PHACTR2: variants seen among roughly 807,000 people sequenced by gnomAD.
The protein encoded by PHACTR2 is chromosome 6 open reading frame 56.
Under a neutral mutation model 76.0 loss-of-function variants are expected in PHACTR2, and 30 were observed. The observed-to-expected ratio is 0.39, with a 90% CI of 0.30 to 0.54. The LOEUF (loss-of-function observed/expected upper bound fraction) is 0.54. Among genes scored for constraint, PHACTR2 ranks in the 20% least tolerant of loss-of-function variants. The pLI, the probability that PHACTR2 is intolerant of heterozygous loss-of-function variation, is 0.61. For synonymous variants in PHACTR2, 292 were observed against 292.5 expected, an observed-to-expected ratio of 1.00 and a Z score of 0.02; for missense variants, 696 against 781.1, an observed-to-expected ratio of 0.89 and a Z score of 1.30.
At chr6:143,582,832 G>A (rs554371047) in intron 1 of PHACTR2, among the ~76,000 whole-genome samples, 19 of 152,184 alleles carry the variant, frequency 1.2e-4, no homozygotes, top group Admixed American at 2.6e-4. Context: ...GGTACGTGAT[G>A]TATTTGGCAG....
At position 143,583,759 on chromosome 6, in the gene PHACTR2, G is replaced by A. The variant is rs1315072650; in HGVS notation, c.217+46552G>A. The stretch of plus-strand genomic sequence containing the variant: ...CATGCTAGATGCCAGACTATCATTT[G>A]TTGATTGGTTGATTCATTGTTTGGA... On this transcript the variant is annotated intron_variant, in intron 1 of 11. Transcript: ENST00000367584. This position sits in a 1 kb window ranked among gnomAD's most constrained non-coding sequence, Gnocchi z 4.0. Among the ~76,000 whole-genome samples, 1 of 152,246 alleles carries A rather than the reference G, an allele frequency of 6.6e-6. No homozygotes were observed. The highest frequency in any genetic ancestry group is 1.5e-5 in the Non-Finnish European group (1 of 68,044).
At chr6:143,701,197 G>A (rs1777904225) in intron 1 of PHACTR2, among the ~76,000 whole-genome samples, 1 of 152,198 alleles carries the variant, frequency 6.6e-6, no homozygotes, top group African/African-American at 2.4e-5. Flanking sequence ...CTGCAGGCCT[G>A]TTGGCCACAA....
intron 2 of PHACTR2, among the ~76,000 whole-genome samples, chr6:143,746,142 T>G (rs920067977): frequency 2.6e-5 from 4 of 152,152 alleles, no homozygotes; most frequent in Non-Finnish European, 5.9e-5. Context: ...ACAGACAGCC[T>G]CGATTAATGA....
intron 11 of PHACTR2, among the ~76,000 whole-genome samples, chr6:143,805,479 C>CAAAAA (rs746027973): frequency 2.1e-5 from 2 of 95,190 alleles, no homozygotes; most frequent in Non-Finnish European, 4.5e-5. Flanking sequence ...AACTCCGTCT[C>CAAAAA]AAAAAAAAAA....
At chr6:143,637,064 T>C (rs551873138) in intron 1 of PHACTR2, among the ~76,000 whole-genome samples, 122 of 152,280 alleles carry the variant, frequency 8.0e-4, no homozygotes, top group Middle Eastern at 6.8e-3. Flanking sequence ...CCTGAAGAGA[T>C]TTGCCATGGT....
rs1779432734 is a variant in PHACTR2, at chr6:143,761,178, T to C, written c.694+538T>C. On this transcript the variant is annotated intron_variant, in intron 5 of 12. Transcript: ENST00000440869. The surrounding 1 kb of genome is among the most constrained non-coding windows in gnomAD (Gnocchi z 5.2). ...CTTGTTTCAGCTCCACCCCACCACT[T>C]TCTACTGCAGTGAAAACTATTTCAG... 6.6e-6 allele frequency among the ~76,000 whole-genome samples: 1 copy of C among 152,212 alleles called. No individual in the cohort carries two copies. The highest frequency in any genetic ancestry group is 1.5e-5 in the Non-Finnish European group (1 of 68,032).
At chr6:143,798,899 A>C (rs868823173) in intron 11 of PHACTR2, among the ~76,000 whole-genome samples, 22 of 152,238 alleles carry the variant, frequency 1.4e-4, no homozygotes, top group Middle Eastern at 3.2e-3. Context: ...TGCTGGCCTC[A>C]TAAAATGAGT....
At position 143,562,827 on chromosome 6, in the gene PHACTR2, A is replaced by G. The variant is rs1340706351; in HGVS notation, c.217+25620A>G. On this transcript the variant is annotated intron_variant, in intron 1 of 11. Coordinates refer to the PHACTR2 transcript ENST00000367584. This position sits in a 1 kb window ranked among gnomAD's most constrained non-coding sequence, Gnocchi z 5.1. ...ATTATCCAGCCATAAAGAGGAACAT[A>G]TGCTGCAACATGGCTTGAAAACATT... Among the ~76,000 whole-genome samples the G allele has an allele frequency of 1.3e-5, 2 of 152,260 alleles. No individual in the cohort carries two copies. Among genetic ancestry groups the G allele is most frequent in the Non-Finnish European group, 2.9e-5 (2 of 68,048 alleles).
At chr6:143,815,749 G>A (rs1301769838) in intron 12 of PHACTR2, among the ~76,000 whole-genome samples, 3 of 151,990 alleles carry the variant, frequency 2.0e-5, no homozygotes, top group Admixed American at 6.5e-5. Flanking sequence ...AAAATTAGCC[G>A]GGCATGGTGG....
rs1775048587 is a variant in PHACTR2, at chr6:143,549,038, A to G, written c.217+11831A>G. 6.6e-6 allele frequency among the ~76,000 whole-genome samples: 1 copy of G among 151,860 alleles called. No homozygotes were observed. Among genetic ancestry groups the G allele is most frequent in the Admixed American group, 6.6e-5 (1 of 15,242 alleles). The stretch of plus-strand genomic sequence containing the variant: ...TACAGGGAAGAAGGCTTGGCCATGA[A>G]GACAGGCATTCTCTCCCCCCGACCC... On this transcript the variant is annotated intron_variant, in intron 1 of 11. Coordinates refer to the PHACTR2 transcript ENST00000367584. This position sits in a 1 kb window ranked among gnomAD's most constrained non-coding sequence, Gnocchi z 4.2.
At chr6:143,674,855 C>T (rs1402076112), upstream of PHACTR2, among the ~76,000 whole-genome samples, 1 of 152,212 alleles carries the variant, frequency 6.6e-6, no homozygotes, top group Non-Finnish European at 1.5e-5. The surrounding 1 kb of genome is among the most constrained non-coding windows in gnomAD (Gnocchi z 4.9). Context: ...TGTAAACCAT[C>T]TTCTCTAAAG....
Position 143,709,844 on chromosome 6 carries a change from G to T in PHACTR2, c.47-2172G>T, listed in dbSNP as rs148896064. Reference sequence around the variant, plus strand: ...ATTGCTGGGTAGGGCTGGATGTCACGGCTTCCTACATGGTCTCCACTGACA... The same window carrying T: ...ATTGCTGGGTAGGGCTGGATGTCACTGCTTCCTACATGGTCTCCACTGACA... On this transcript the variant is annotated intron_variant, in intron 1 of 12. Coordinates refer to ENST00000440869, the MANE Select transcript of PHACTR2 (RefSeq NM_001100164.2). The surrounding 1 kb of genome is among the most constrained non-coding windows in gnomAD (Gnocchi z 4.4). Among the ~76,000 whole-genome samples, 5 of 152,064 alleles carry T rather than the reference G, an allele frequency of 3.3e-5. No homozygotes were observed. The highest frequency in any genetic ancestry group is 5.9e-5 in the Non-Finnish European group (4 of 68,008).
At chr6:143,727,661 GAAGT>G (rs1470285687) in intron 2 of PHACTR2, among the ~76,000 whole-genome samples, 3 of 151,906 alleles carry the variant, frequency 2.0e-5, no homozygotes, top group Non-Finnish European at 4.4e-5. Context: ...CATGCTAACT[GAAGT>G]AAGATATATC....
At chr6:143,773,255 T>TA (rs982179034) in intron 7 of PHACTR2, among the ~76,000 whole-genome samples, 13 of 151,830 alleles carry the variant, frequency 8.6e-5, no homozygotes, top group East Asian at 1.9e-4. Flanking sequence ...TTGCTAGCAT[T>TA]AAAAAAAATC....
intron 1 of PHACTR2, among the ~76,000 whole-genome samples, chr6:143,669,166 A>T (rs1777100320): frequency 6.6e-6 from 1 of 152,150 alleles, no homozygotes; most frequent in South Asian, 2.1e-4. Flanking sequence ...TTCAGTTTCC[A>T]TGTAGTTGTG....
At position 143,807,068 on chromosome 6, in the gene PHACTR2, G is replaced by A; in HGVS notation, c.1857G>A (p.Arg619=). 6.3e-7 allele frequency: 1 copy of A among 1,596,366 alleles called. No individual in the cohort carries two copies. The highest frequency in any genetic ancestry group is 8.6e-7 in the Non-Finnish European group (1 of 1,165,302). ...RLTPADKAAI[R]KELNEFKSTE... ...TTTTTCCTGTTTAGGCAGCAATAAG[G>A]AAAGAACTAAATGAATTTAAAAGCA... Residue 619 remains arginine (R), a synonymous_variant, in exon 12 of 13, where the codon AGG becomes AGA. Coordinates refer to ENST00000440869, the MANE Select transcript of PHACTR2 (RefSeq NM_001100164.2). This position sits in a 1 kb window ranked among gnomAD's most constrained non-coding sequence, Gnocchi z 5.5.
intron 2 of PHACTR2, among the ~76,000 whole-genome samples, chr6:143,740,709 T>A (rs1778922273): frequency 6.6e-6 from 1 of 152,146 alleles, no homozygotes; most frequent in Non-Finnish European, 1.5e-5. Context: ...ACTACCATTT[T>A]AAAAATACCC....
At chr6:143,551,408 G>A (rs575047274) in intron 1 of PHACTR2, among the ~76,000 whole-genome samples, 2 of 152,344 alleles carry the variant, frequency 1.3e-5, no homozygotes, top group South Asian at 2.1e-4. Context: ...ACTGTGGAAA[G>A]TAAAACCTCA....
intron 1 of PHACTR2, among the ~76,000 whole-genome samples, chr6:143,669,295 T>C (rs1777102746): frequency 6.6e-6 from 1 of 152,196 alleles, no homozygotes; most frequent in Non-Finnish European, 1.5e-5. Flanking sequence ...CTTCCAATTA[T>C]GTGGTCAATT....
Sources: gnomAD v4.1 joint callset for allele counts (sites outside exome capture counted in the v4.1 genomes callset) on GRCh38, gnomAD v4.1.1 for gene constraint, Gnocchi (gnomAD v3.1) non-coding constraint, MANE v1.5 for transcripts, NCBI Gene and HGNC (gene_info 2026-07-23, HGNC 2026-07-21) for gene names.